Variants in TDRD3 observed in about 807,000 individuals in gnomAD.
The protein encoded by TDRD3 is tudor domain containing 3.
In TDRD3, 45 loss-of-function variants were observed where a neutral mutation model predicts 86.7. That is an observed-to-expected ratio of 0.52 (90% CI 0.41 to 0.67). The LOEUF is 0.67. Among genes scored for constraint, TDRD3 ranks in the 30% least tolerant of loss-of-function variants. The pLI is 0.00. For synonymous variants in TDRD3, 298 were observed against 301.7 expected, an observed-to-expected ratio of 0.99 and a Z score of 0.13; for missense variants, 814 against 889.0, an observed-to-expected ratio of 0.92 and a Z score of 1.07.
intron 1 of TDRD3, among the ~76,000 whole-genome samples, chr13:60,413,288 C>G (rs1187024715): frequency 2.0e-5 from 3 of 152,100 alleles, no homozygotes; most frequent in Non-Finnish European, 4.4e-5. Flanking sequence ...AAAATAGTTA[C>G]AAAAACACTG....
At chr13:60,497,990 TA>T (rs914848033) in intron 8 of TDRD3, among the ~76,000 whole-genome samples, 4 of 150,074 alleles carry the variant, frequency 2.7e-5, no homozygotes, top group Non-Finnish European at 4.5e-5. Context: ...CTCGGGGGGT[TA>T]AAAAAAAAGG....
intron 12 of TDRD3, among the ~76,000 whole-genome samples, chr13:60,558,964 C>CTT (rs562728723): frequency 2.0e-4 from 26 of 131,530 alleles, no homozygotes; most frequent in Non-Finnish European, 2.9e-4. Context: ...GACATTTTTG[C>CTT]TTTTTTTTTT....
chr13:60,442,936 T>G (rs1340272562), intron 2 of TDRD3, among the ~76,000 whole-genome samples: 2 of 152,076 alleles, frequency 1.3e-5, no homozygotes, highest in Non-Finnish European at 2.9e-5. Flanking sequence ...TTAAATTTCA[T>G]AATTATTGAT....
chr13:60,483,836 C>G lies in TDRD3; in HGVS notation c.557C>G (p.Pro186Arg), dbSNP rs959966554. The G allele has an allele frequency of 3.1e-6, 5 of 1,612,612 alleles. No individual in the cohort carries two copies. The highest frequency in any genetic ancestry group is 4.2e-6 in the Non-Finnish European group (5 of 1,179,300). Residue 186 changes from proline to arginine, a missense_variant, in exon 6 of 14, where the codon CCT becomes CGT. By Grantham distance (103) the Pro-to-Arg change is moderately radical. Transcript: ENST00000377881. ...GTEGGPPPFV[P>R]FGQKCVSHVQ... ...GAAGGTGGACCACCGCCTTTTGTGC[C>G]TTTTGGACAGGTAATGACTTTTGTG... is the stretch of plus-strand genomic sequence containing the variant.
chr13:60,482,036 G>A (rs1423949830), intron 5 of TDRD3, among the ~76,000 whole-genome samples: 1 of 152,138 alleles, frequency 6.6e-6, no homozygotes, highest in Non-Finnish European at 1.5e-5. Context: ...TTTTTAGTCT[G>A]CATGGTCTGA....
intron 12 of TDRD3, among the ~76,000 whole-genome samples, chr13:60,538,431 T>G (rs901421919): frequency 6.6e-6 from 1 of 151,760 alleles, no homozygotes; most frequent in Non-Finnish European, 1.5e-5. Context: ...TAATTTGATG[T>G]CTTTATTGCA....
intron 10 of TDRD3, among the ~76,000 whole-genome samples, chr13:60,516,287 A>G (rs1405107745): frequency 6.6e-6 from 1 of 152,220 alleles, no homozygotes; most frequent in East Asian, 1.9e-4. Context: ...GATTCTGGAC[A>G]GTAATTTGTC....
chr13:60,465,407 G>C (rs146518978), intron 4 of TDRD3, among the ~76,000 whole-genome samples: 1 of 152,282 alleles, frequency 6.6e-6, no homozygotes, highest in African/African-American at 2.4e-5. Context: ...AACGGTAATA[G>C]ATGGTTACTA....
intron 5 of TDRD3, among the ~76,000 whole-genome samples, chr13:60,473,027 C>T (rs1956104897): frequency 6.6e-6 from 1 of 152,150 alleles, no homozygotes; most frequent in Non-Finnish European, 1.5e-5. Flanking sequence ...TTTTCTGCTG[C>T]TATAACAGAA....
At chr13:60,402,034 C>A (rs947951273) in intron 1 of TDRD3, among the ~76,000 whole-genome samples, 1 of 152,210 alleles carries the variant, frequency 6.6e-6, no homozygotes, top group Admixed American at 6.5e-5. Flanking sequence ...TTGAAGATAG[C>A]TACTACAAAG....
At chr13:60,400,858 C>T (rs899842498) in intron 1 of TDRD3, among the ~76,000 whole-genome samples, 2 of 151,970 alleles carry the variant, frequency 1.3e-5, no homozygotes, top group African/African-American at 4.8e-5. Flanking sequence ...TTATAAATGG[C>T]AGAACCAAGA....
intron 11 of TDRD3, among the ~76,000 whole-genome samples, chr13:60,533,925 C>T (rs1163964813): frequency 6.6e-6 from 1 of 152,090 alleles, no homozygotes; most frequent in Non-Finnish European, 1.5e-5. Context: ...ACATTCAGAC[C>T]TACAATTTGG....
At chr13:60,415,313 C>A (rs886831390) in intron 1 of TDRD3, among the ~76,000 whole-genome samples, 4 of 152,024 alleles carry the variant, frequency 2.6e-5, no homozygotes, top group Non-Finnish European at 5.9e-5. Flanking sequence ...CAACCGGGAT[C>A]CAGTGCACAA....
chr13:60,557,286 G>C (rs1958214583), intron 12 of TDRD3, among the ~76,000 whole-genome samples: 1 of 152,068 alleles, frequency 6.6e-6, no homozygotes, highest in Admixed American at 6.5e-5. Context: ...AATGGAGTTG[G>C]CTGCCTGAGA....
intron 4 of TDRD3, chr13:60,461,159 C>T (rs1048611194): frequency 3.9e-5 from 6 of 152,030 alleles, no homozygotes; most frequent in South Asian, 4.1e-4. Context: ...TTTAAAAATA[C>T]GGTTTCATCC....
intron 12 of TDRD3, among the ~76,000 whole-genome samples, chr13:60,560,655 G>A (rs1296757020): frequency 6.6e-6 from 1 of 152,010 alleles, no homozygotes; most frequent in Non-Finnish European, 1.5e-5. Context: ...CAGATGTCTT[G>A]TTTAGATTGT....
At chr13:60,495,089 C>T (rs1956684908) in intron 8 of TDRD3, among the ~76,000 whole-genome samples, 1 of 152,130 alleles carries the variant, frequency 6.6e-6, no homozygotes, top group Non-Finnish European at 1.5e-5. Context: ...AATTCATTTT[C>T]CTCTCCCTTT....
intron 5 of TDRD3, among the ~76,000 whole-genome samples, chr13:60,470,239 A>G (rs918574962): frequency 6.6e-6 from 1 of 152,142 alleles, no homozygotes; most frequent in African/African-American, 2.4e-5. Flanking sequence ...GTTGGATAGT[A>G]CTCTATATCT....
At chr13:60,552,042 C>T (rs1442789686) in intron 12 of TDRD3, among the ~76,000 whole-genome samples, 2 of 152,158 alleles carry the variant, frequency 1.3e-5, no homozygotes, top group African/African-American at 4.8e-5. Flanking sequence ...ACCCTGGCTT[C>T]TCCCAAATCT....
Sources: allele counts gnomAD v4.1 joint callset (sites outside exome capture counted in the v4.1 genomes callset), GRCh38; gene constraint gnomAD v4.1.1; transcripts MANE v1.5; gene names NCBI Gene and HGNC (gene_info 2026-07-23, HGNC 2026-07-21).